Variants in GLB1 observed in about 807,000 individuals in gnomAD.
The protein encoded by GLB1 is beta-galactosidase.
GLB1 carries 56 observed loss-of-function variants against 74.0 expected under a neutral mutation model. That is an observed-to-expected ratio of 0.76 (90% CI 0.61 to 0.94). The LOEUF (loss-of-function observed/expected upper bound fraction) is 0.94. Ranked by LOEUF, GLB1 falls within the 40% of genes least tolerant of loss-of-function variation. The probability of loss-of-function intolerance (pLI) is 0.00; values close to 1 mark genes in which losing one functional copy is unlikely to be tolerated. For synonymous variants in GLB1, 323 were observed against 323.6 expected (o/e 1.00, Z 0.02); for missense variants, 787 against 845.5 (o/e 0.93, Z 0.86).
chr3:33,074,120 A>ACGAGGTCAGGAGAT (rs1699994896), intron 1 of GLB1, among the ~76,000 whole-genome samples: 1 of 151,032 alleles, frequency 6.6e-6, no homozygotes, highest in Admixed American at 6.6e-5. Context: ...CAGGTGGATC[A>ACGAGGTCAGGAGAT]CGAGGTCAGG....
chr3:33,037,945 A>T (rs1346551707), intron 10 of GLB1: 1 of 144,806 alleles, frequency 6.9e-6, no homozygotes, highest in Non-Finnish European at 1.5e-5. Flanking sequence ...GTCAACACTC[A>T]AGTTTTGTTC....
chr3:32,975,151 G>A, the GLB1 span, among the ~76,000 whole-genome samples: 3 of 152,114 alleles, frequency 2.0e-5, no homozygotes, highest in African/African-American at 7.2e-5. Context: ...GCATGATCAT[G>A]GCTTACTGCA....
chr3:33,093,819 A>C lies in GLB1; in HGVS notation c.75+3192T>G. The C allele has an allele frequency of 6.2e-7, 1 of 1,613,592 alleles. No homozygotes were observed. The highest frequency in any genetic ancestry group is 8.5e-7 in the Non-Finnish European group (1 of 1,179,752). On this transcript the variant is annotated intron_variant, in intron 1 of 15. Coordinates refer to ENST00000307363, the MANE Select transcript of GLB1 (RefSeq NM_000404.4). This position sits in a 1 kb window ranked among gnomAD's most constrained non-coding sequence, Gnocchi z 6.0. ...GATGAAGAGGAAGAAGAGCATGATGATGTAAGCACCCAGGCAGGAGTAGGC... is the reference window on the plus strand; with the variant it reads ...GATGAAGAGGAAGAAGAGCATGATGCTGTAAGCACCCAGGCAGGAGTAGGC...
the GLB1 span, among the ~76,000 whole-genome samples, chr3:32,962,079 A>G: frequency 6.6e-6 from 1 of 152,088 alleles, no homozygotes; most frequent in Non-Finnish European, 1.5e-5. Flanking sequence ...TGGTAGTCCC[A>G]GCTACTTAGG....
intron 10 of GLB1, chr3:33,030,786 G>A (rs1321658609): frequency 1.0e-6 from 1 of 985,222 alleles, no homozygotes; most frequent in Non-Finnish European, 1.2e-6. Flanking sequence ...CAAAACATCA[G>A]CGGAACTCTT....
chr3:33,019,511 G>A (rs1421485359), intron 12 of GLB1, among the ~76,000 whole-genome samples: 1 of 152,120 alleles, frequency 6.6e-6, no homozygotes, highest in Non-Finnish European at 1.5e-5. Context: ...CAGAAAGAAA[G>A]AAAGTAAACT....
the GLB1 span, among the ~76,000 whole-genome samples, chr3:32,987,528 G>T: frequency 6.6e-6 from 1 of 152,146 alleles, no homozygotes; most frequent in Non-Finnish European, 1.5e-5. Flanking sequence ...GGCTGCCCAG[G>T]CCTGGATTGT....
rs1162798505 is a variant in GLB1 at position 33,066,603 on chromosome 3, C to A, written c.458-1046G>T. 2.0e-5 allele frequency among the ~76,000 whole-genome samples: 3 copies of A among 152,170 alleles called. No homozygotes were observed. In the East Asian group the frequency reaches 5.8e-4, roughly 29 times the overall value. On this transcript the variant is annotated intron_variant, in intron 4 of 15. Coordinates refer to ENST00000307363, the MANE Select transcript of GLB1 (RefSeq NM_000404.4). ...CAAGCAACAGAAAACAGACTAAGACCATCCTTGCCACAGGACACAAAGCCT... is the reference window on the plus strand; with the variant it reads ...CAAGCAACAGAAAACAGACTAAGACAATCCTTGCCACAGGACACAAAGCCT...
At chr3:33,090,701 A>T (rs1162875571) in intron 1 of GLB1, 2 of 985,452 alleles carry the variant, frequency 2.0e-6, no homozygotes, top group Non-Finnish European at 2.4e-6. Context: ...CAGAATCTGG[A>T]CAGTGATGGA....
Position 33,096,872 on chromosome 3 carries a change from G to A in GLB1, c.75+139C>T. The A allele has an allele frequency of 4.2e-6, 6 of 1,427,638 alleles. No homozygotes were observed. The South Asian group carries it at 7.4e-5, about 18-fold the overall frequency. The allele number at this position is 1,427,638 out of a possible 1,614,324, so 88.4% of individuals were successfully genotyped here. On this transcript the variant is annotated intron_variant, in intron 1 of 15. Coordinates refer to ENST00000307363, the MANE Select transcript of GLB1 (RefSeq NM_000404.4). ...GCCGGTCCACTGCCTGCGTTCCGCC[G>A]GCCGCGAGCCTGCTGGGGGGCACTT... is the stretch of plus-strand genomic sequence containing the variant.
At chr3:32,962,526 T>C in the GLB1 span, among the ~76,000 whole-genome samples, 864 of 152,292 alleles carry the variant, frequency 5.7e-3, 3 homozygotes, top group Non-Finnish European at 8.7e-3. Flanking sequence ...GGAAAATATT[T>C]CTAGTTCCAA....
intron 5 of GLB1, among the ~76,000 whole-genome samples, chr3:33,065,245 G>A (rs1415125167): frequency 6.6e-6 from 1 of 152,162 alleles, no homozygotes; most frequent in Non-Finnish European, 1.5e-5. Flanking sequence ...GAATTGAATA[G>A]CATTTACAAG....
chr3:33,094,803 GTAAAAC>G (rs1700935796), intron 1 of GLB1, among the ~76,000 whole-genome samples: 1 of 152,180 alleles, frequency 6.6e-6, no homozygotes. Context: ...TTGCAGAAAT[GTAAAAC>G]AGTGCAACTC....
chr3:32,967,843 C>A, the GLB1 span, among the ~76,000 whole-genome samples: 9 of 152,170 alleles, frequency 5.9e-5, no homozygotes, highest in Non-Finnish European at 1.0e-4. Context: ...CAGCACCCTG[C>A]CTGGTAGCGG....
the GLB1 span, among the ~76,000 whole-genome samples, chr3:32,963,078 T>G: frequency 6.6e-6 from 1 of 152,182 alleles, no homozygotes; most frequent in Non-Finnish European, 1.5e-5. Context: ...TACAGCAATG[T>G]TGCAGAAAGT....
intron 9 of GLB1, 134 bp downstream of exon 9, chr3:33,051,624 A>AG (rs1698991696): frequency 7.8e-7 from 1 of 1,281,406 alleles, no homozygotes. Flanking sequence ...AAAAAAGAAA[A>AG]AGAAAAAAAA....
chr3:33,084,232 C>T (rs1300000783), intron 1 of GLB1, among the ~76,000 whole-genome samples: 1 of 152,114 alleles, frequency 6.6e-6, no homozygotes, highest in Non-Finnish European at 1.5e-5. Context: ...TGGATAGAGG[C>T]AAGGGGAGAG....
chr3:32,961,470 C>G, the GLB1 span, among the ~76,000 whole-genome samples: 1 of 152,066 alleles, frequency 6.6e-6, no homozygotes, highest in African/African-American at 2.4e-5. Context: ...GTTCTCCTGG[C>G]CCCAGTTTGG....
chr3:33,088,311 A>G (rs975862669), intron 1 of GLB1, among the ~76,000 whole-genome samples: 1 of 151,960 alleles, frequency 6.6e-6, no homozygotes, highest in Non-Finnish European at 1.5e-5. Context: ...TAGAAAGGAG[A>G]AGTAAAATGA....
Sources: allele counts gnomAD v4.1 joint callset (sites outside exome capture counted in the v4.1 genomes callset), GRCh38; gene constraint gnomAD v4.1.1; non-coding constraint Gnocchi (gnomAD v3.1); transcripts MANE v1.5; gene names NCBI Gene and HGNC (gene_info 2026-07-23, HGNC 2026-07-21).